PXDN: variants seen among roughly 807,000 people sequenced by gnomAD.
The protein encoded by PXDN is peroxidasin, also known as peroxidasin homolog.
A neutral mutation model predicts 140.3 loss-of-function variants in PXDN; 77 were observed. The ratio of observed to expected loss-of-function variants is 0.55; its 90% CI spans 0.46 to 0.66. PXDN has a LOEUF of 0.66. Ranked by LOEUF, PXDN falls within the 30% of genes least tolerant of loss-of-function variation. The pLI, the probability that PXDN is intolerant of heterozygous loss-of-function variation, is 0.00. For missense variants in PXDN, 1,838 were observed against 2,039.5 expected (o/e 0.90, Z 1.90); for synonymous variants, 911 against 857.4 (o/e 1.06, Z -1.09).
At chr2:1,667,190 G>A (rs143487320) in intron 9 of PXDN, among the ~76,000 whole-genome samples, 2,333 of 152,126 alleles carry the variant, frequency 0.015, 34 homozygotes, top group Non-Finnish European at 0.025. Flanking sequence ...ACAGAGACAC[G>A]AAAAACCCTT....
At chr2:1,644,592 C>T in intron 18 of PXDN, 26 bp downstream of exon 18, 2 of 1,566,386 alleles carry the variant, frequency 1.3e-6, no homozygotes, top group Non-Finnish European at 1.7e-6. Context: ...TAGGAGCGTG[C>T]TCCCCTTTCT....
intron 1 of PXDN, among the ~76,000 whole-genome samples, chr2:1,695,303 C>T (rs1190839680): frequency 6.6e-6 from 1 of 151,972 alleles, no homozygotes; most frequent in Non-Finnish European, 1.5e-5. Flanking sequence ...CATCCACAGG[C>T]CCCTGTGCCC....
chr2:1,744,841 T>A (rs1685655628), upstream of PXDN: 1 of 179,258 alleles, frequency 5.6e-6, no homozygotes, highest in Non-Finnish European at 1.2e-5. Context: ...GGTTTTTTAG[T>A]TGGCGCCTTA....
At chr2:1,634,383 G>T in intron 22 of PXDN, 60 bp from the exon 23 acceptor site, 2 of 1,517,106 alleles carry the variant, frequency 1.3e-6, no homozygotes, top group Non-Finnish European at 1.8e-6. Flanking sequence ...GGTGAGCAAA[G>T]CCTGTCAGCT....
intron 1 of PXDN, among the ~76,000 whole-genome samples, chr2:1,721,531 T>C (rs1685051139): frequency 6.6e-6 from 1 of 152,244 alleles, no homozygotes; most frequent in Admixed American, 6.5e-5. Flanking sequence ...GTTTTGCTTG[T>C]TGCTTTTCTA....
chr2:1,696,473 A>C (rs1226182997), intron 1 of PXDN, among the ~76,000 whole-genome samples: 1 of 152,202 alleles, frequency 6.6e-6, no homozygotes, highest in Non-Finnish European at 1.5e-5. Flanking sequence ...CCAAACTGAA[A>C]TTCTAGAACT....
intron 1 of PXDN, among the ~76,000 whole-genome samples, chr2:1,694,330 CT>C (rs918212720): frequency 5.3e-5 from 8 of 152,220 alleles, no homozygotes; most frequent in Admixed American, 1.3e-4. Flanking sequence ...AATGTAATCA[CT>C]GTCAGTAGTT....
intron 6 of PXDN, 132 bp downstream of exon 6, chr2:1,683,524 C>T: frequency 1.2e-6 from 1 of 837,926 alleles, no homozygotes; most frequent in Non-Finnish European, 1.8e-6. Context: ...AATCCACCCT[C>T]CATATATTCT....
chr2:1,640,031 C>T (rs7584489), intron 19 of PXDN, among the ~76,000 whole-genome samples: 38,708 of 82,688 alleles, frequency 0.47, 8,453 homozygotes, highest in Middle Eastern at 0.55. Flanking sequence ...TGCCGTGTCC[C>T]TCCTGGTCCC....
intron 12 of PXDN, among the ~76,000 whole-genome samples, chr2:1,663,025 G>A (rs887484417): frequency 2.0e-5 from 3 of 152,222 alleles, no homozygotes; most frequent in East Asian, 3.9e-4. Context: ...AGGGGCCTTC[G>A]CTCTTGCAGA....
chr2:1,685,287 C>T lies in PXDN; in HGVS notation c.417-1136G>A, dbSNP rs753388299. On this transcript the variant is annotated intron_variant, in intron 4 of 22. Transcript: ENST00000252804. This position sits in a 1 kb window ranked among gnomAD's most constrained non-coding sequence, Gnocchi z 5.1. ...CAGCACTCCGCGCACGAATGGGAAA[C>T]GTGAGGGAAGGAAAAACTGGAGCAG... is the stretch of plus-strand genomic sequence containing the variant. Among the ~76,000 whole-genome samples, 6 of 152,206 alleles carry T rather than the reference C, an allele frequency of 3.9e-5. No homozygotes were observed. The highest frequency in any genetic ancestry group is 7.3e-5 in the Non-Finnish European group (5 of 68,032).
At chr2:1,640,043 G>A (rs554803593) in intron 19 of PXDN, among the ~76,000 whole-genome samples, 11 of 149,168 alleles carry the variant, frequency 7.4e-5, no homozygotes, top group Non-Finnish European at 1.2e-4. Context: ...CCTGGTCCCC[G>A]GGTGAGTGAG....
In PXDN at chr2:1,639,312, T is replaced by C. The variant is rs1682656985; in HGVS notation, c.4063A>G (p.Lys1355Glu). Reference sequence around the variant, plus strand: ...CAGAGACCACCATACCTGGGTATTTTCCGTGGTCTTGTTTTCTTGGTCGGC... The same window carrying C: ...CAGAGACCACCATACCTGGGTATTTCCCGTGGTCTTGTTTTCTTGGTCGGC... ...DKPTKKTRPR[K>E]IPSVGRQGEH... The change falls in exon 20 of 23, where the codon AAA becomes GAA. Residue 1355 changes from lysine (K) to glutamate (E), a missense_variant. Lys to Glu is a moderately conservative substitution (Grantham distance 56). Coordinates refer to ENST00000252804, the MANE Select transcript of PXDN (RefSeq NM_012293.3). The surrounding 1 kb of genome is among the most constrained non-coding windows in gnomAD (Gnocchi z 5.0). 1 of 1,613,298 alleles carries C rather than the reference T, an allele frequency of 6.2e-7. No homozygotes were observed. The highest frequency in any genetic ancestry group is 8.5e-7 in the Non-Finnish European group (1 of 1,179,630).
chr2:1,661,638 G>A (rs965989105), intron 13 of PXDN, among the ~76,000 whole-genome samples: 4 of 152,148 alleles, frequency 2.6e-5, no homozygotes, highest in African/African-American at 7.2e-5. Flanking sequence ...ACAGAAACAC[G>A]GGTCATGGTG....
In PXDN at chr2:1,660,805, C is replaced by A; in HGVS notation, c.1837+76G>T. On this transcript the variant is annotated intron_variant, in intron 14 of 22. Coordinates refer to ENST00000252804, the MANE Select transcript of PXDN (RefSeq NM_012293.3). The surrounding 1 kb of genome is among the most constrained non-coding windows in gnomAD (Gnocchi z 4.6). ...ATTCTGAACAGCCTAAGTCAACTGG[C>A]CTGGGACCACACTAGGGACCTGCGG... is the stretch of plus-strand genomic sequence containing the variant. The A allele has an allele frequency of 6.6e-7, 1 of 1,518,586 alleles. No individual in the cohort carries two copies. Among genetic ancestry groups the A allele is most frequent in the Non-Finnish European group, 8.9e-7 (1 of 1,126,818 alleles). 94.1% of individuals were successfully genotyped at this position (1,518,586 alleles called of 1,614,324 possible).
chr2:1,643,493 T>C lies in PXDN; in HGVS notation c.3827A>G (p.Asp1276Gly). Residue 1276 changes from aspartate (D) to glycine (G), a missense_variant, in exon 19 of 23, where the codon GAC becomes GGC. By Grantham distance (94) the Asp-to-Gly change is moderately conservative. Around this residue, in one of 5 missense-constraint regions of PXDN, gnomAD observed 850 missense variants for 894.1 expected, o/e 0.95. Transcript: ENST00000252804. ...CACCCGGGTGATGTTGTCCGCGTTG[T>C]CGCATAGGATCCTGGCCAGCGACGT... ...KQTSLARILC[D>G]NADNITRVQS... 6.2e-7 allele frequency: 1 copy of C among 1,613,988 alleles called. No homozygotes were observed. Among genetic ancestry groups the C allele is most frequent in the Non-Finnish European group, 8.5e-7 (1 of 1,179,894 alleles).
intron 8 of PXDN, among the ~76,000 whole-genome samples, chr2:1,674,668 A>C (rs990613377): frequency 6.6e-6 from 1 of 152,182 alleles, no homozygotes; most frequent in Non-Finnish European, 1.5e-5. Context: ...GGTGAAGAGG[A>C]GAGAGGTGAC....
chr2:1,647,905 C>A (rs1178280472), intron 17 of PXDN, among the ~76,000 whole-genome samples: 1 of 152,144 alleles, frequency 6.6e-6, no homozygotes, highest in Admixed American at 6.5e-5. Flanking sequence ...TGTGCCACAG[C>A]TCAGCAAAGC....
chr2:1,671,087 T>A (rs1572145313), intron 9 of PXDN, among the ~76,000 whole-genome samples: 1 of 147,994 alleles, frequency 6.8e-6, no homozygotes, highest in Non-Finnish European at 1.5e-5. Flanking sequence ...TTTATAGGTT[T>A]AAAAAAAAAA....
Sources: gnomAD v4.1 joint callset for allele counts (sites outside exome capture counted in the v4.1 genomes callset) on GRCh38, gnomAD v4.1.1 for gene constraint, gnomAD v4.1.1 regional missense constraint, Gnocchi (gnomAD v3.1) non-coding constraint, MANE v1.5 for transcripts, NCBI Gene and HGNC (gene_info 2026-07-23, HGNC 2026-07-21) for gene names.